Variants in LZTFL1 observed in about 807,000 individuals in gnomAD.
The protein encoded by LZTFL1 is leucine zipper transcription factor-like protein 1.
Under a neutral mutation model 45.9 loss-of-function variants are expected in LZTFL1, and 25 were observed. The ratio of observed to expected loss-of-function variants is 0.54; its 90% CI spans 0.40 to 0.76. The LOEUF (loss-of-function observed/expected upper bound fraction) is 0.76, where lower values mean the gene tolerates loss of function less well. LZTFL1 is among the 30% of genes least tolerant of loss of function. The pLI, the probability that LZTFL1 is intolerant of heterozygous loss-of-function variation, is 0.00. For synonymous variants in LZTFL1, 93 were observed against 117.4 expected, an observed-to-expected ratio of 0.79 and a Z score of 1.35; for missense variants, 277 against 331.1, an observed-to-expected ratio of 0.84 and a Z score of 1.27.
intron 2 of LZTFL1, among the ~76,000 whole-genome samples, chr3:45,882,131 A>AT (rs61434062): frequency 6.6e-6 from 1 of 152,278 alleles, no homozygotes; most frequent in Non-Finnish European, 1.5e-5. Context: ...TATCAGGTGA[A>AT]TTTTTTGCAT....
chr3:45,915,297 C>A (rs1575316218), intron 1 of LZTFL1: 2 of 305,728 alleles, frequency 6.5e-6, no homozygotes, highest in Non-Finnish European at 1.3e-5. Flanking sequence ...TGTTACCCCT[C>A]TTTTCTCATC....
chr3:45,865,105 A>G (rs17078386), intron 2 of LZTFL1, among the ~76,000 whole-genome samples: 5,084 of 152,312 alleles, frequency 0.033, 277 homozygotes, highest in African/African-American at 0.11. Flanking sequence ...CAGAAGGGTG[A>G]TCATGCCTGT....
chr3:45,899,907 A>G (rs1448110071), intron 2 of LZTFL1, among the ~76,000 whole-genome samples: 1 of 152,090 alleles, frequency 6.6e-6, no homozygotes, highest in Non-Finnish European at 1.5e-5. Context: ...ACCCAGAAAA[A>G]GTGTAAGAAG....
intron 4 of LZTFL1, among the ~76,000 whole-genome samples, chr3:45,847,415 G>A (rs1701235466): frequency 6.6e-6 from 1 of 152,150 alleles, no homozygotes; most frequent in East Asian, 1.9e-4. Flanking sequence ...AGAACCATGT[G>A]CAATGAGCCT....
chr3:45,872,350 G>GT (rs1701683595), intron 2 of LZTFL1, among the ~76,000 whole-genome samples: 2 of 152,144 alleles, frequency 1.3e-5, no homozygotes, highest in Admixed American at 6.5e-5. Flanking sequence ...TTTAAATAGT[G>GT]TTTTAAAAGA....
chr3:45,856,998 G>T (rs561298658), intron 3 of LZTFL1, among the ~76,000 whole-genome samples: 3 of 152,310 alleles, frequency 2.0e-5, no homozygotes, highest in African/African-American at 7.2e-5. Context: ...AATACCATTT[G>T]ACCCAGCAAT....
intron 4 of LZTFL1, among the ~76,000 whole-genome samples, chr3:45,850,671 G>A (rs1487376356): frequency 6.6e-6 from 1 of 152,108 alleles, no homozygotes; most frequent in East Asian, 1.9e-4. Flanking sequence ...GAGATCATCA[G>A]CTTTTTCCTC....
chr3:45,824,582 A>T lies in LZTFL1; in HGVS notation c.*1732T>A, dbSNP rs1262662695. ...AATATTTCAAAACTGCTACCAAGAA[A>T]ACAAGTACAAATTCTACCTAGCAAT... On this transcript the variant is annotated 3_prime_UTR_variant, in exon 10 of 10. Transcript: ENST00000296135. 1 of 374,178 alleles carries T rather than the reference A, an allele frequency of 2.7e-6. No homozygotes were observed. The highest frequency in any genetic ancestry group is 2.1e-5 in the African/African-American group (1 of 48,194). The allele number at this position is 374,178 out of a possible 1,614,324, so 23.2% of individuals were successfully genotyped here.
intron 2 of LZTFL1, among the ~76,000 whole-genome samples, chr3:45,864,152 T>G (rs1335700960): frequency 1.3e-5 from 2 of 152,198 alleles, no homozygotes; most frequent in Non-Finnish European, 2.9e-5. Context: ...TGTCAGAGAC[T>G]AGCAGGTAAT....
chr3:45,911,307 T>TC (rs2125773746), intron 2 of LZTFL1, among the ~76,000 whole-genome samples: 1 of 152,296 alleles, frequency 6.6e-6, no homozygotes, highest in Admixed American at 6.5e-5. Context: ...TCCCAATCAC[T>TC]CGGTCCCCCA....
At chr3:45,877,648 A>C (rs921569972) in intron 2 of LZTFL1, among the ~76,000 whole-genome samples, 2 of 151,930 alleles carry the variant, frequency 1.3e-5, no homozygotes, top group African/African-American at 4.8e-5. Flanking sequence ...TAATACTGAA[A>C]ATTGGGCTGT....
Position 45,823,964 on chromosome 3 carries a change from T to C in LZTFL1, c.*2350A>G, listed in dbSNP as rs1489900007. The C allele has an allele frequency of 6.6e-6, 1 of 152,246 alleles. No homozygotes were observed. Among genetic ancestry groups the C allele is most frequent in the African/African-American group, 2.4e-5 (1 of 41,462 alleles). 9.4% of individuals were successfully genotyped at this position (152,246 alleles called of 1,614,324 possible). A position where few individuals can be genotyped will look rare whatever the true frequency, so the allele number is the denominator to read the frequency against. On this transcript the variant is annotated 3_prime_UTR_variant, in exon 10 of 10. Transcript: ENST00000296135. ...TCAAGGTAGGGCAGTATTTTTCTTATGCTGAGTTTTATAAGACATAAGCAA... is the reference window on the plus strand; with the variant it reads ...TCAAGGTAGGGCAGTATTTTTCTTACGCTGAGTTTTATAAGACATAAGCAA...
intron 2 of LZTFL1, among the ~76,000 whole-genome samples, chr3:45,836,020 TCAAA>T (rs960028613): frequency 1.1e-4 from 16 of 152,330 alleles, no homozygotes; most frequent in African/African-American, 3.4e-4. Flanking sequence ...AAGTAAATGC[TCAAA>T]CACATTCCCA....
intron 4 of LZTFL1, among the ~76,000 whole-genome samples, chr3:45,850,773 TCA>T (rs1701295200): frequency 6.6e-6 from 1 of 152,112 alleles, no homozygotes; most frequent in Non-Finnish European, 1.5e-5. Flanking sequence ...TGTGCGTCCT[TCA>T]CAGTCACCTC....
exon 1 of LZTFL1, chr3:45,915,618 T>C: frequency 4.9e-6 from 2 of 409,358 alleles, no homozygotes; most frequent in South Asian, 3.4e-5. Context: ...CACTCATGCA[T>C]CTCAGGTTTT....
At chr3:45,827,757 A>G (rs985052711) in intron 8 of LZTFL1, among the ~76,000 whole-genome samples, 3 of 152,354 alleles carry the variant, frequency 2.0e-5, no homozygotes, top group African/African-American at 7.2e-5. Flanking sequence ...TTCCTGTAAA[A>G]TAAGCACACT....
At chr3:45,898,633 T>C (rs1241198872) in intron 2 of LZTFL1, among the ~76,000 whole-genome samples, 2 of 152,216 alleles carry the variant, frequency 1.3e-5, no homozygotes, top group African/African-American at 2.4e-5. Flanking sequence ...ATTTTCCCAG[T>C]TGTCATCCAA....
upstream of LZTFL1, among the ~76,000 whole-genome samples, chr3:45,846,968 G>T (rs986249074): frequency 2.6e-5 from 4 of 152,212 alleles, no homozygotes; most frequent in Admixed American, 6.5e-5. Flanking sequence ...TGTCATAAAA[G>T]AAGTCAAAAT....
At chr3:45,871,657 G>A (rs1187271117) in intron 2 of LZTFL1, among the ~76,000 whole-genome samples, 1 of 142,106 alleles carries the variant, frequency 7.0e-6, no homozygotes, top group Non-Finnish European at 1.5e-5. Flanking sequence ...AAAAAAGTCT[G>A]TGGTATGTGT....
Sources: gnomAD v4.1 joint callset for allele counts (sites outside exome capture counted in the v4.1 genomes callset) on GRCh38, gnomAD v4.1.1 for gene constraint, MANE v1.5 for transcripts, NCBI Gene and HGNC (gene_info 2026-07-23, HGNC 2026-07-21) for gene names.